The following ADAMTS7 variants were observed in gnomAD, a reference collection of about 807,000 sequenced individuals.
ADAMTS7 encodes ADAM metallopeptidase with thrombospondin type 1 motif 7.
In ADAMTS7, 89 loss-of-function variants were observed where a neutral mutation model predicts 172.6. That is an observed-to-expected ratio of 0.52 (90% confidence interval 0.43 to 0.61). The LOEUF is 0.61. Ranked by LOEUF, ADAMTS7 falls within the 20% of genes least tolerant of loss-of-function variation. The pLI is 0.00. For synonymous variants in ADAMTS7, 885 were observed against 978.4 expected (o/e 0.90, Z 1.78); for missense variants, 1,973 against 2,355.6 (o/e 0.84, Z 3.36).
At chr15:78,796,465 TCCTACTTGGGG>T (rs2055644336) in intron 4 of ADAMTS7, 114 bp downstream of exon 4, 1 of 1,104,458 alleles carries the variant, frequency 9.1e-7, no homozygotes, top group African/African-American at 1.6e-5. Flanking sequence ...ATACCCTTCT[TCCTACTTGGGG>T]CCTAGACCTG....
intron 11 of ADAMTS7, 97 bp from the exon 12 acceptor site, chr15:78,774,890 C>G (rs2055316660): frequency 8.4e-6 from 12 of 1,429,048 alleles, no homozygotes; most frequent in Non-Finnish European, 1.1e-5. Flanking sequence ...CATCCACACC[C>G]CGAGATCCCT....
chr15:78,790,093 G>A (rs1400772997), intron 6 of ADAMTS7, among the ~76,000 whole-genome samples: 1 of 152,214 alleles, frequency 6.6e-6, no homozygotes, highest in Non-Finnish European at 1.5e-5. Context: ...TCCAGCAGGG[G>A]TGCTGACAGA....
Position 78,759,289 on chromosome 15 carries a change from G to A in ADAMTS7, c.*132C>T, listed in dbSNP as rs1377417296. 5.2e-6 allele frequency: 4 copies of A among 770,536 alleles called. No individual in the cohort carries two copies. In the South Asian group the frequency reaches 9.9e-5, roughly 19 times the overall value. The allele number at this position is 770,536 out of a possible 1,614,324, so 47.7% of individuals were successfully genotyped here. On this transcript the variant is annotated 3_prime_UTR_variant, in exon 24 of 24. Transcript: ENST00000388820. The stretch of plus-strand genomic sequence containing the variant: ...GAATAAAAAAATACCTTTTTTGAGG[G>A]GGAGGAGGTCCCCAGCCTGCTGCTG...
At chr15:78,810,845 C>A (rs2055857015) in intron 1 of ADAMTS7, 2 of 312,266 alleles carry the variant, frequency 6.4e-6, no homozygotes, top group South Asian at 3.2e-4. Context: ...GTGGGGAAAC[C>A]GGAGCCCGAA....
At chr15:78,761,766 A>G (rs12324886) in intron 23 of ADAMTS7, 547,202 of 729,224 alleles carry the variant, frequency 0.75, 207,957 homozygotes, top group Non-Finnish European at 0.76. Context: ...GTGTGCGCGC[A>G]CGCACACATG....
rs543230226 is a variant in ADAMTS7 at position 78,776,424 on chromosome 15, G to C, written c.1561-91C>G. 570 of 1,503,344 alleles carry C rather than the reference G, an allele frequency of 3.8e-4. 2 individuals carry two copies. Among genetic ancestry groups the C allele is most frequent in the Middle Eastern group, 3.0e-3 (12 of 4,018 alleles). 93.1% of individuals were successfully genotyped at this position (1,503,344 alleles called of 1,614,324 possible). Reference sequence around the variant, plus strand: ...AGAACAAGGTGGGTGGGAAGGCTGCGAAAGGCACAGAGGGGAAGGATGGAA... The same window carrying C: ...AGAACAAGGTGGGTGGGAAGGCTGCCAAAGGCACAGAGGGGAAGGATGGAA... On this transcript the variant is annotated intron_variant, in intron 10 of 23. Coordinates refer to ENST00000388820, the MANE Select transcript of ADAMTS7 (RefSeq NM_014272.5).
At position 78,788,300 on chromosome 15, in the gene ADAMTS7, T is replaced by C; in HGVS notation, c.1253A>G (p.Gln418Arg). Residue 418 changes from glutamine (Q) to arginine (R), a missense_variant, in exon 8 of 24, where the codon CAG becomes CGG. Physicochemically the swap from Gln to Arg is conservative, Grantham distance 43 (BLOSUM62 1). This residue lies in a region of ADAMTS7 where 526 missense variants were observed against 662.9 expected (regional missense o/e 0.79). Coordinates refer to ENST00000388820, the MANE Select transcript of ADAMTS7 (RefSeq NM_014272.5). ...GAGGGGAGCGGCGTCGTACAGGAGCTGTGGAGACATGATGAAAGGTCGTTT... is the reference window on the plus strand; with the variant it reads ...GAGGGGAGCGGCGTCGTACAGGAGCCGTGGAGACATGATGAAAGGTCGTTT... ...VGKRPFIMSPQLLYDAAPLTW... is the reference protein window; with the variant it reads ...VGKRPFIMSPRLLYDAAPLTW... 3 of 1,613,760 alleles carry C rather than the reference T, an allele frequency of 1.9e-6. No individual in the cohort carries two copies. The highest frequency in any genetic ancestry group is 1.1e-5 in the South Asian group (1 of 91,066).
chr15:78,788,156 T>A (rs2055531228), intron 8 of ADAMTS7, 75 bp downstream of exon 8: 4 of 1,574,120 alleles, frequency 2.5e-6, no homozygotes, highest in Admixed American at 3.5e-5. Context: ...CCCTGCAGTA[T>A]GACTGTCTGC....
At chr15:78,759,669 G>T in intron 23 of ADAMTS7, 91 bp from the exon 24 acceptor site, 1 of 1,369,514 alleles carries the variant, frequency 7.3e-7, no homozygotes, top group African/African-American at 1.5e-5. Context: ...GGAGGCTCCA[G>T]CAGCTCCCCA....
Position 78,776,309 on chromosome 15 carries a change from G to A in ADAMTS7, c.1585C>T (p.Pro529Ser), listed in dbSNP as rs578167180. The change falls in exon 11 of 24, where the codon CCC becomes TCC. Residue 529 changes from proline to serine, a missense_variant. Pro to Ser is a moderately conservative substitution (Grantham distance 74, BLOSUM62 -1). Transcript: ENST00000388820. ...ACGGCCTCGGGCCGGAAGCCCACGG[G>A]TACGCACTCCCCACTGAGACACCAC... ...NKWCLSGECV[P>S]VGFRPEAVDG... 3.1e-5 allele frequency: 50 copies of A among 1,611,840 alleles called. 1 individual carries two copies. In the South Asian group the frequency reaches 5.2e-4, roughly 17 times the overall value.
chr15:78,769,013 C>T (rs570272828), intron 16 of ADAMTS7, among the ~76,000 whole-genome samples: 3 of 152,296 alleles, frequency 2.0e-5, no homozygotes, highest in East Asian at 1.9e-4. Context: ...CTGGAGGAGC[C>T]GCTGCCTGAG....
chr15:78,759,466 G>T lies in ADAMTS7; in HGVS notation c.5016C>A (p.Ser1672Arg). ...GATGGCCTCGGGAGGGGGCGCCGTG[G>T]CTGGGCGGAGAGCACGAGCGGCAGC... ...TQCCRSCSPP[S>R]HGAPSRGHQR... is the part of the protein sequence containing the mutation. The change falls in exon 24 of 24, where the codon AGC (serine) becomes AGA (arginine). Residue 1672 changes from serine (S) to arginine (R), a missense_variant. By Grantham distance (110) the Ser-to-Arg change is moderately radical (BLOSUM62 -1). Transcript: ENST00000388820. 6.3e-7 allele frequency: 1 copy of T among 1,596,668 alleles called. No homozygotes were observed.
rs952648331 is a variant in ADAMTS7 at position 78,811,134 on chromosome 15, G to C, written c.87C>G (p.Pro29=). ...GCGGACACCCACCTGGTGCGGGTCC[G>C]GGGGCGCCGGGAGCCAGAGCGCAGA... ...LLLCALAPGA[P]GPAPGRATEG... Residue 29 remains proline (P), a synonymous_variant, in exon 1 of 24, where the codon CCC becomes CCG. Coordinates refer to ENST00000388820, the MANE Select transcript of ADAMTS7 (RefSeq NM_014272.5). 5.7e-6 allele frequency: 7 copies of C among 1,229,204 alleles called. No individual in the cohort carries two copies. Among genetic ancestry groups the C allele is most frequent in the African/African-American group, 3.1e-5 (2 of 64,356 alleles). The allele number at this position is 1,229,204 out of a possible 1,614,324, so 76.1% of individuals were successfully genotyped here.
chr15:78,774,095 A>G, intron 13 of ADAMTS7, 72 bp downstream of exon 13: 1 of 1,562,692 alleles, frequency 6.4e-7, no homozygotes, highest in Admixed American at 1.8e-5. Context: ...GGGACCCAGG[A>G]GAGAACCTGG....
At chr15:78,782,721 G>T (rs570756018) in intron 8 of ADAMTS7, among the ~76,000 whole-genome samples, 1 of 152,024 alleles carries the variant, frequency 6.6e-6, no homozygotes, top group Non-Finnish European at 1.5e-5. Context: ...CACCCAGAAG[G>T]AGAAGCCCGG....
At chr15:78,805,108 T>C (rs539328715) in intron 1 of ADAMTS7, among the ~76,000 whole-genome samples, 3 of 152,314 alleles carry the variant, frequency 2.0e-5, no homozygotes, top group African/African-American at 7.2e-5. Context: ...TCTGTGTTTT[T>C]CTAGACCTTC....
chr15:78,766,219 T>C lies in ADAMTS7; in HGVS notation c.3692A>G (p.His1231Arg). 2 of 1,611,608 alleles carry C rather than the reference T, an allele frequency of 1.2e-6. No individual in the cohort carries two copies. Among genetic ancestry groups the C allele is most frequent in the Non-Finnish European group, 1.7e-6 (2 of 1,179,680 alleles). Residue 1231 changes from histidine (H) to arginine (R), a missense_variant, in exon 19 of 24, where the codon CAC (histidine) becomes CGC (arginine). By Grantham distance (29) the His-to-Arg change is conservative. Around this residue, in one of 8 missense-constraint regions of ADAMTS7, gnomAD observed 771 missense variants for 952.6 expected, o/e 0.81. Coordinates refer to ENST00000388820, the MANE Select transcript of ADAMTS7 (RefSeq NM_014272.5). ...DEEPKGRGAP[H>R]LPPRPSSTLP... is the part of the protein sequence containing the mutation. ...CGTGGAGCTGGGTCTCGGGGGCAGG[T>C]GGGGTGCTCCTCGGCCCTTGGGTTC...
At chr15:78,770,911 A>G in intron 16 of ADAMTS7, 1 of 536,470 alleles carries the variant, frequency 1.9e-6, no homozygotes, top group Non-Finnish European at 3.3e-6. Flanking sequence ...CCCTGGAGGG[A>G]GAACGCCAAG....
chr15:78,763,649 C>G, intron 22 of ADAMTS7, 50 bp downstream of exon 22: 1 of 1,501,320 alleles, frequency 6.7e-7, no homozygotes, highest in East Asian at 2.3e-5. Context: ...CAAGACTGAC[C>G]AGGCGCCACC....
Sources: gnomAD v4.1 joint callset for allele counts (sites outside exome capture counted in the v4.1 genomes callset) on GRCh38, gnomAD v4.1.1 for gene constraint, gnomAD v4.1.1 regional missense constraint, MANE v1.5 for transcripts, NCBI Gene and HGNC (gene_info 2026-07-23, HGNC 2026-07-21) for gene names.